FER1L5: variants seen among roughly 807,000 people sequenced by gnomAD.
FER1L5 encodes the protein fer-1-like protein 5.
A neutral mutation model predicts 279.9 loss-of-function variants in FER1L5; 187 were observed. The observed-to-expected ratio is 0.67, with a 90% confidence interval of 0.59 to 0.75. FER1L5 has a LOEUF of 0.75. Among genes scored for constraint, FER1L5 ranks in the 30% least tolerant of loss-of-function variants. FER1L5 has a pLI of 0.00. For missense variants in FER1L5, 2,091 were observed against 2,594.4 expected (o/e 0.81, Z 4.21); for synonymous variants, 921 against 989.7 (o/e 0.93, Z 1.30).
chr2:96,646,484 A>G (rs1440465107), intron 2 of FER1L5, 31 bp downstream of exon 2: 1 of 1,550,690 alleles, frequency 6.4e-7, no homozygotes, highest in Admixed American at 2.0e-5. Flanking sequence ...AGAAGAGGAA[A>G]TAACAACCCC....
rs1277774973 is a variant in FER1L5, at chr2:96,649,871, G to A, written c.394+194G>A. ...CATCTGGCTGAGGCCATCCCAATATGCCTATTTGTCATCTCTAGACATAAG... is the reference window on the plus strand; with the variant it reads ...CATCTGGCTGAGGCCATCCCAATATACCTATTTGTCATCTCTAGACATAAG... On this transcript the variant is annotated intron_variant, in intron 5 of 52. Coordinates refer to ENST00000624922, the MANE Select transcript of FER1L5 (RefSeq NM_001293083.2). Among the ~76,000 whole-genome samples, 9 of 152,184 alleles carry A rather than the reference G, an allele frequency of 5.9e-5. No homozygotes were observed. In the South Asian group the frequency reaches 1.7e-3, roughly 28 times the overall value.
chr2:96,696,008 CCT>C (rs978437764), intron 36 of FER1L5, 42 bp from the exon 37 acceptor site: 2 of 1,612,732 alleles, frequency 1.2e-6, no homozygotes, highest in African/African-American at 2.7e-5. Flanking sequence ...CCTCCTCAGC[CCT>C]CTCCCCATCC....
At chr2:96,644,756 A>C (rs1416474892) in intron 1 of FER1L5, among the ~76,000 whole-genome samples, 1 of 152,032 alleles carries the variant, frequency 6.6e-6, no homozygotes, top group Admixed American at 6.6e-5. Flanking sequence ...AACATTTGGG[A>C]CTCCAGGCTC....
intron 31 of FER1L5, 70 bp from the exon 32 acceptor site, chr2:96,693,436 C>T: frequency 2.8e-6 from 4 of 1,439,524 alleles, no homozygotes; most frequent in Non-Finnish European, 3.7e-6. Flanking sequence ...CCAGTGGCTG[C>T]AGCAGCAGAG....
At chr2:96,676,565 A>C (rs2076516170) in intron 19 of FER1L5, among the ~76,000 whole-genome samples, 1 of 151,536 alleles carries the variant, frequency 6.6e-6, no homozygotes, top group African/African-American at 2.4e-5. Context: ...TTTTAGCATA[A>C]GCTCAACAAT....
rs748318690 is a variant in FER1L5 at position 96,698,656 on chromosome 2, C to A, written c.4357-15C>A. The A allele has an allele frequency of 7.6e-6, 12 of 1,572,972 alleles. No homozygotes were observed. The highest frequency in any genetic ancestry group is 1.0e-5 in the Non-Finnish European group (12 of 1,158,648). On this transcript the variant is annotated splice_polypyrimidine_tract_variant and intron_variant, in intron 40 of 52. Transcript: ENST00000624922. The surrounding 1 kb of genome is among the most constrained non-coding windows in gnomAD (Gnocchi z 5.5). ...GCACTGCCAGGCTGGGCCCCCAACA[C>A]CCTCCCCCCGCCAGGGCCTTTTCCG...
intron 4 of FER1L5, among the ~76,000 whole-genome samples, chr2:96,648,734 G>A (rs942464124): frequency 6.6e-6 from 1 of 152,196 alleles, no homozygotes; most frequent in South Asian, 2.1e-4. Flanking sequence ...TTGGTTCCCT[G>A]GGCTGGTTGC....
intron 19 of FER1L5, among the ~76,000 whole-genome samples, chr2:96,682,289 G>A (rs187719234): frequency 1.3e-5 from 2 of 151,832 alleles, no homozygotes; most frequent in East Asian, 1.9e-4. Flanking sequence ...ACAGAGTTTC[G>A]CCATGTTGGC....
Position 96,703,359 on chromosome 2 carries a change from G to GA in FER1L5, c.5691+14dup. 2 of 1,605,362 alleles carry GA rather than the reference G, an allele frequency of 1.2e-6. No homozygotes were observed. Among genetic ancestry groups the GA allele is most frequent in the Non-Finnish European group, 1.7e-6 (2 of 1,175,900 alleles). On this transcript the variant is annotated intron_variant, in intron 50 of 52. Coordinates refer to ENST00000624922, the MANE Select transcript of FER1L5 (RefSeq NM_001293083.2). ...ATGGCGCTTGTCGGTAGGAGCTGGG[G>GA]AGTGTCTACTGATTAGGGCTGCTAT...
At position 96,687,933 on chromosome 2, in the gene FER1L5, G is replaced by C; in HGVS notation, c.2347G>C (p.Val783Leu). The change falls in exon 24 of 53, where the codon GTG becomes CTG. Residue 783 changes from valine to leucine, a missense_variant. Physicochemically the swap from Val to Leu is conservative, Grantham distance 32 (BLOSUM62 1). Coordinates refer to ENST00000624922, the MANE Select transcript of FER1L5 (RefSeq NM_001293083.2). ...LQLLRQGDTA[V>L]YAEMYENQAK... ...GCTGCTCCGCCAGGGTGACACAGCGGTGTACGCCGAGATGGTGAGTGGTGA... is the reference window on the plus strand; with the variant it reads ...GCTGCTCCGCCAGGGTGACACAGCGCTGTACGCCGAGATGGTGAGTGGTGA... The C allele has an allele frequency of 6.4e-7, 1 of 1,551,078 alleles. No individual in the cohort carries two copies. Among genetic ancestry groups the C allele is most frequent in the Non-Finnish European group, 8.7e-7 (1 of 1,146,974 alleles).
In FER1L5 at chr2:96,686,279, G is replaced by A. The variant is rs776051668; in HGVS notation, c.2158G>A (p.Val720Ile). 1.4e-5 allele frequency: 21 copies of A among 1,551,506 alleles called. No homozygotes were observed. Among genetic ancestry groups the A allele is most frequent in the African/African-American group, 2.7e-5 (2 of 73,056 alleles). The change falls in exon 23 of 53, where the codon GTC (valine) becomes ATC (isoleucine). Residue 720 changes from valine (V) to isoleucine (I), a missense_variant. By Grantham distance (29) the Val-to-Ile change is conservative. Transcript: ENST00000624922. ...VAYAQVPAHS[V>I]LFSPAGALHS... ...CTATGCACAGGTGCCTGCCCACTCC[G>A]TCCTCTTCTCCCCGGCAGGGGCTCT...
At chr2:96,649,584 C>T in intron 4 of FER1L5, 39 bp from the exon 5 acceptor site, 1 of 1,547,900 alleles carries the variant, frequency 6.5e-7, no homozygotes. Flanking sequence ...CCAAGGATGG[C>T]AGGGTCTGGC....
At chr2:96,652,087 G>T in intron 7 of FER1L5, 67 bp downstream of exon 7, 1 of 1,546,458 alleles carries the variant, frequency 6.5e-7, no homozygotes, top group Non-Finnish European at 8.7e-7. Context: ...TGGGCAGCCG[G>T]CAAGCTTGCT....
intron 9 of FER1L5, among the ~76,000 whole-genome samples, chr2:96,659,455 T>C (rs1381076253): frequency 3.4e-5 from 1 of 29,460 alleles, no homozygotes; most frequent in Non-Finnish European, 5.4e-5. Flanking sequence ...CTTTCTTTCT[T>C]TCTTTCTTTC....
chr2:96,653,829 A>T (rs1229268908), intron 8 of FER1L5, 127 bp downstream of exon 8: 1 of 666,646 alleles, frequency 1.5e-6, no homozygotes, highest in Non-Finnish European at 2.6e-6. Context: ...GATCCCCACC[A>T]CTTTCTTCAC....
At chr2:96,700,506 A>G in intron 45 of FER1L5, 35 bp downstream of exon 45, 3 of 1,610,096 alleles carry the variant, frequency 1.9e-6, no homozygotes, top group Non-Finnish European at 2.5e-6. Context: ...TGGCTCCTAC[A>G]GGAGGAGCTA....
At position 96,690,530 on chromosome 2, in the gene FER1L5, A is replaced by G. The variant is rs747553225; in HGVS notation, c.2684A>G (p.Gln895Arg). The G allele has an allele frequency of 1.9e-6, 3 of 1,551,644 alleles. No homozygotes were observed. The South Asian group carries it at 3.6e-5, about 18-fold the overall frequency. ...GCCCGGGAGAACGTGAAGTGCCCCC[A>G]AGGCTGGCACTTTAAGAAGGACTGG... The part of the protein sequence containing the change: ...MEARENVKCP[Q>R]GWHFKKDWVV... The change falls in exon 27 of 53, where the codon CAA (glutamine) becomes CGA (arginine). Residue 895 changes from glutamine to arginine, a missense_variant. Coordinates refer to ENST00000624922, the MANE Select transcript of FER1L5 (RefSeq NM_001293083.2).
chr2:96,660,839 C>T (rs1387238672), intron 10 of FER1L5, among the ~76,000 whole-genome samples: 1 of 152,226 alleles, frequency 6.6e-6, no homozygotes, highest in Non-Finnish European at 1.5e-5. Context: ...TAGGCATGAG[C>T]CACCACACCT....
chr2:96,651,090 A>G (rs955777223), intron 6 of FER1L5, among the ~76,000 whole-genome samples: 2 of 152,208 alleles, frequency 1.3e-5, no homozygotes, highest in African/African-American at 4.8e-5. Flanking sequence ...CTTCCACACA[A>G]GATCACAAGA....
Sources: gnomAD v4.1 joint callset for allele counts (sites outside exome capture counted in the v4.1 genomes callset) on GRCh38, gnomAD v4.1.1 for gene constraint, Gnocchi (gnomAD v3.1) non-coding constraint, MANE v1.5 for transcripts, NCBI Gene and HGNC (gene_info 2026-07-23, HGNC 2026-07-21) for gene names.